BUB1: variants seen among roughly 807,000 people sequenced by gnomAD.
BUB1 encodes the protein BUB1 mitotic checkpoint serine/threonine kinase.
A neutral mutation model predicts 135.2 loss-of-function variants in BUB1; 84 were observed. That is an observed-to-expected ratio of 0.62 (90% CI 0.52 to 0.74). The LOEUF (loss-of-function observed/expected upper bound fraction) is 0.74, where lower values mean the gene tolerates loss of function less well. Ranked by LOEUF, BUB1 falls within the 30% of genes least tolerant of loss-of-function variation. The pLI, the probability that BUB1 is intolerant of heterozygous loss-of-function variation, is 0.00. For synonymous variants in BUB1, 403 were observed against 434.4 expected (o/e 0.93, Z 0.90); for missense variants, 1,162 against 1,288.3 (o/e 0.90, Z 1.50).
At chr2:110,668,929 C>T (rs193026217) in intron 6 of BUB1, among the ~76,000 whole-genome samples, 13 of 152,222 alleles carry the variant, frequency 8.5e-5, no homozygotes, top group East Asian at 3.9e-4. Context: ...TATAGTTTGG[C>T]GCTAGAGTGA....
At chr2:110,646,964 G>A (rs899696990) in intron 19 of BUB1, among the ~76,000 whole-genome samples, 1 of 152,000 alleles carries the variant, frequency 6.6e-6, no homozygotes, top group Non-Finnish European at 1.5e-5. Context: ...CTTGAAAGAC[G>A]CAATCTACCA....
At chr2:110,646,153 AC>A (rs1307318812) in intron 19 of BUB1, among the ~76,000 whole-genome samples, 1 of 122,086 alleles carries the variant, frequency 8.2e-6, no homozygotes, top group Non-Finnish European at 1.6e-5. Flanking sequence ...CATAGCGAGA[AC>A]CCTATCTCTA....
chr2:110,661,426 GT>G (rs1690079199), intron 10 of BUB1, 155 bp downstream of exon 10: 2 of 870,222 alleles, frequency 2.3e-6, no homozygotes, highest in African/African-American at 1.7e-5. Context: ...TGGGAGCAAT[GT>G]TTTGCCACTT....
Position 110,666,394 on chromosome 2 carries a change from T to C in BUB1, c.826A>G (p.Met276Val). 6.8e-7 allele frequency: 1 copy of C among 1,469,988 alleles called. No individual in the cohort carries two copies. The highest frequency in any genetic ancestry group is 9.0e-7 in the Non-Finnish European group (1 of 1,105,958). The allele number at this position is 1,469,988 out of a possible 1,614,324, so 91.1% of individuals were successfully genotyped here. The stretch of plus-strand genomic sequence containing the variant: ...AAAGCATTTGCTTCTTTCCTTTTCA[T>C]ATAATGTCTGTCTTCATTTACTTTA... ...EQWVNEDRHY[M>V]KRKEANAFEE... Residue 276 changes from methionine to valine, a missense_variant, in exon 9 of 25, where the codon ATG (methionine) becomes GTG (valine). Met to Val is a conservative substitution (Grantham distance 21). Coordinates refer to ENST00000302759, the MANE Select transcript of BUB1 (RefSeq NM_004336.5).
In BUB1 at chr2:110,642,266, T is replaced by C. The variant is rs754915797; in HGVS notation, c.2348-32A>G. On this transcript the variant is annotated intron_variant, in intron 19 of 24. Coordinates refer to ENST00000302759, the MANE Select transcript of BUB1 (RefSeq NM_004336.5). ...AGATAATTGAAAATTTTAATTTATG[T>C]ACGCCTTTTATTTTAAATAGTTTTC... 2.2e-6 allele frequency: 3 copies of C among 1,395,072 alleles called. No individual in the cohort carries two copies. In the Admixed American group the frequency reaches 6.2e-5, roughly 29 times the overall value. The allele number at this position is 1,395,072 out of a possible 1,614,324, so 86.4% of individuals were successfully genotyped here. A position where few individuals can be genotyped will look rare whatever the true frequency, so the allele number is the denominator to read the frequency against.
intron 11 of BUB1, among the ~76,000 whole-genome samples, chr2:110,659,559 C>T (rs1387174380): frequency 6.6e-6 from 1 of 152,160 alleles, no homozygotes; most frequent in Non-Finnish European, 1.5e-5. Flanking sequence ...AGTCACACAG[C>T]GGAGAAGTGA....
At chr2:110,658,809 A>G (rs570945541) in intron 11 of BUB1, 67 bp from the exon 12 acceptor site, 1 of 1,570,030 alleles carries the variant, frequency 6.4e-7, no homozygotes, top group East Asian at 2.2e-5. Context: ...AAGACACACA[A>G]TTTAAGTAAG....
rs145962103 is a variant in BUB1 at position 110,676,214 on chromosome 2, TAATA to T, written c.26+1752_26+1755del. ...ATTTTTTTTTAATGAGCAAAGGGCA[TAATA>T]AATTATTTCACAGAAAAAGATACAT... On this transcript the variant is annotated intron_variant, in intron 1 of 24. Transcript: ENST00000302759. Among the ~76,000 whole-genome samples the T allele has an allele frequency of 4.5e-3, 678 of 152,100 alleles. 9 individuals carry two copies. Among genetic ancestry groups the T allele is most frequent in the African/African-American group, 0.016 (650 of 41,478 alleles).
intron 13 of BUB1, among the ~76,000 whole-genome samples, 161 bp downstream of exon 13, chr2:110,658,249 T>G (rs944980494): frequency 1.3e-5 from 2 of 152,056 alleles, no homozygotes; most frequent in African/African-American, 4.8e-5. Flanking sequence ...TCACACACAT[T>G]GAGTACCTTG....
chr2:110,646,809 A>G (rs1689657350), intron 19 of BUB1, among the ~76,000 whole-genome samples: 1 of 152,232 alleles, frequency 6.6e-6, no homozygotes, highest in African/African-American at 2.4e-5. Flanking sequence ...AGATCTAAAA[A>G]TCAATGAGAT....
At chr2:110,676,323 T>C (rs1690580773) in intron 1 of BUB1, among the ~76,000 whole-genome samples, 1 of 152,158 alleles carries the variant, frequency 6.6e-6, no homozygotes, top group African/African-American at 2.4e-5. Context: ...CTCATCAGAT[T>C]GGCAAAACTA....
intron 1 of BUB1, among the ~76,000 whole-genome samples, chr2:110,675,834 C>T (rs558944922): frequency 6.6e-6 from 1 of 151,912 alleles, no homozygotes; most frequent in African/African-American, 2.4e-5. Context: ...TATTTTTTGC[C>T]GAGATGAGGT....
Position 110,660,539 on chromosome 2 carries a change from T to TA in BUB1, c.1218-504_1218-503insT, listed in dbSNP as rs560621346. ...GTCTACAGTGTTAGTAAATAAACTG[T>TA]TTTTTTTTTCCTTTCAGTTCCATTT... On this transcript the variant is annotated intron_variant, in intron 10 of 24. Coordinates refer to ENST00000302759, the MANE Select transcript of BUB1 (RefSeq NM_004336.5). Among the ~76,000 whole-genome samples, 655 of 147,132 alleles carry TA rather than the reference T, an allele frequency of 4.5e-3. 4 individuals carry two copies. The highest frequency in any genetic ancestry group is 8.5e-3 in the Non-Finnish European group (554 of 65,472).
chr2:110,649,026 TGAGTTATAG>T, intron 19 of BUB1, 199 bp downstream of exon 19: 1 of 400,794 alleles, frequency 2.5e-6, no homozygotes, highest in Non-Finnish European at 4.4e-6. Flanking sequence ...TTGCCCTCTA[TGAGTTATAG>T]GAGTTATAGT....
At position 110,641,373 on chromosome 2, in the gene BUB1, T is replaced by C; in HGVS notation, c.2717A>G (p.Glu906Gly). 6.2e-7 allele frequency: 1 copy of C among 1,614,102 alleles called. No homozygotes were observed. Among genetic ancestry groups the C allele is most frequent in the Non-Finnish European group, 8.5e-7 (1 of 1,180,008 alleles). The change falls in exon 22 of 25, where the codon GAG (glutamate) becomes GGG (glycine). Residue 906 changes from glutamate to glycine, a missense_variant. Coordinates refer to ENST00000302759, the MANE Select transcript of BUB1 (RefSeq NM_004336.5). ...SFAMRMLYMI[E>G]QVHDCEIIHG... is the part of the protein sequence containing the mutation. The stretch of plus-strand genomic sequence containing the variant: ...AATGATTTCACAGTCATGCACTTGC[T>C]CAATCATGTAAAGCATTCTCATAGC...
chr2:110,641,299 A>G lies in BUB1; in HGVS notation c.2783+8T>C. 6.2e-7 allele frequency: 1 copy of G among 1,603,496 alleles called. No individual in the cohort carries two copies. Among genetic ancestry groups the G allele is most frequent in the East Asian group, 2.2e-5 (1 of 44,688 alleles). ...AGAGAAGAACCCTGTTAAAAGCATA[A>G]CACTTGCCCGTTTCCAAGTATGAAA... On this transcript the variant is annotated splice_region_variant and intron_variant, in intron 22 of 24. Coordinates refer to ENST00000302759, the MANE Select transcript of BUB1 (RefSeq NM_004336.5).
chr2:110,667,413 C>T (rs2104551937), intron 8 of BUB1, 108 bp downstream of exon 8: 1 of 1,164,984 alleles, frequency 8.6e-7, no homozygotes, highest in Non-Finnish European at 1.2e-6. Flanking sequence ...TGAAGACTTT[C>T]TTGCAGTCTT....
intron 24 of BUB1, 67 bp downstream of exon 24, chr2:110,639,675 C>G: frequency 8.1e-7 from 1 of 1,235,236 alleles, no homozygotes; most frequent in Non-Finnish European, 1.2e-6. Flanking sequence ...TTTTTTTTTG[C>G]CAGATGGAAC....
chr2:110,656,914 T>C lies in BUB1; in HGVS notation c.1698+122A>G, dbSNP rs1449545756. 1.4e-5 allele frequency: 8 copies of C among 569,580 alleles called. No individual in the cohort carries two copies. In the Admixed American group the frequency reaches 2.5e-4, roughly 18 times the overall value. The allele number at this position is 569,580 out of a possible 1,614,324, so 35.3% of individuals were successfully genotyped here. On this transcript the variant is annotated intron_variant, in intron 15 of 24. Coordinates refer to ENST00000302759, the MANE Select transcript of BUB1 (RefSeq NM_004336.5). ...TGTCCTAAAAGAAACATATTCTTCC[T>C]ATGTTTCATAGTTTTTAGCATAGTT...
Sources: gnomAD v4.1 joint callset for allele counts (sites outside exome capture counted in the v4.1 genomes callset) on GRCh38, gnomAD v4.1.1 for gene constraint, MANE v1.5 for transcripts, NCBI Gene and HGNC (gene_info 2026-07-23, HGNC 2026-07-21) for gene names.